LANCL3: variants seen among roughly 807,000 people sequenced by gnomAD.
The protein encoded by LANCL3 is lanC-like protein 3.
In LANCL3, 19 loss-of-function variants were observed where a neutral mutation model predicts 26.5. The observed-to-expected ratio is 0.72, with a 90% CI of 0.50 to 1.05. The LOEUF (loss-of-function observed/expected upper bound fraction) is 1.05. Among genes scored for constraint, LANCL3 ranks in the 50% least tolerant of loss-of-function variants. The pLI is 0.00. For synonymous variants in LANCL3, 160 were observed against 166.6 expected (o/e 0.96, Z 0.30); for missense variants, 318 against 362.7 (o/e 0.88, Z 1.00).
At chrX:37,628,108 A>T (rs1556423377) in intron 1 of LANCL3, among the ~76,000 whole-genome samples, 1 of 111,849 alleles carries the variant, frequency 8.9e-6, no homozygotes, top group Non-Finnish European at 1.9e-5. Flanking sequence ...TAAATTAGTC[A>T]TAACTTTTTC....
chrX:37,572,686 CG>C (rs1455828897), intron 1 of LANCL3, among the ~76,000 whole-genome samples: 4 of 111,680 alleles, frequency 3.6e-5, no homozygotes, highest in African/African-American at 1.3e-4. Context: ...CGTGTTTTTA[CG>C]TGGCATCACT....
chrX:37,637,783 G>A (rs1248236235), intron 1 of LANCL3, among the ~76,000 whole-genome samples: 1 of 110,609 alleles, frequency 9.0e-6, no homozygotes, highest in African/African-American at 3.3e-5. Flanking sequence ...ACCCTTCTGG[G>A]AATGTCTGCC....
chrX:37,668,686 A>G (rs1556434962), intron 4 of LANCL3, among the ~76,000 whole-genome samples: 1 of 111,987 alleles, frequency 8.9e-6, no homozygotes, highest in Non-Finnish European at 1.9e-5. Context: ...TCTGGTTCCC[A>G]TGAATCTGAG....
At position 37,635,067 on chromosome X, in the gene LANCL3, A is replaced by T. The variant is rs147522408; in HGVS notation, c.574-20621A>T. ...GACATAAGACTCAGGGCAGCATGGA[A>T]ACCTTGAAAACTGGAAGTGAAAACT... On this transcript the variant is annotated intron_variant, in intron 1 of 4. Coordinates refer to ENST00000378619, the MANE Select transcript of LANCL3 (RefSeq NM_001170331.2). Among the ~76,000 whole-genome samples, 405 of 111,526 alleles carry T rather than the reference A, an allele frequency of 3.6e-3. 1 individual carries two copies. Among genetic ancestry groups the T allele is most frequent in the African/African-American group, 0.012 (359 of 30,721 alleles).
At chrX:37,581,896 A>G (rs1556417088) in intron 1 of LANCL3, among the ~76,000 whole-genome samples, 1 of 110,853 alleles carries the variant, frequency 9.0e-6, no homozygotes, top group Admixed American at 9.6e-5. Flanking sequence ...CTCGTCATTT[A>G]TATTAGGTAT....
intron 1 of LANCL3, among the ~76,000 whole-genome samples, chrX:37,628,598 TC>T (rs1363175745): frequency 4.9e-5 from 2 of 40,693 alleles, no homozygotes; most frequent in Non-Finnish European, 8.4e-5. Flanking sequence ...CCCTCCCCCC[TC>T]CCCCCACCCC....
intron 1 of LANCL3, among the ~76,000 whole-genome samples, chrX:37,604,552 G>A (rs1269440512): frequency 8.9e-6 from 1 of 112,017 alleles, no homozygotes; most frequent in Non-Finnish European, 1.9e-5. Flanking sequence ...GCTTATTTGG[G>A]TTGGGTTTGC....
At chrX:37,597,481 C>T (rs1924463006) in intron 1 of LANCL3, among the ~76,000 whole-genome samples, 2 of 110,472 alleles carry the variant, frequency 1.8e-5, no homozygotes, top group African/African-American at 6.6e-5. Context: ...CAGCAAGGCA[C>T]GAAGGGTTCA....
intron 2 of LANCL3, among the ~76,000 whole-genome samples, chrX:37,656,362 C>A (rs1161293576): frequency 2.7e-5 from 3 of 111,359 alleles, no homozygotes; most frequent in Non-Finnish European, 5.7e-5. Flanking sequence ...TTTCTCTAGA[C>A]TCAAACTTTA....
At chrX:37,586,094 T>A (rs1264011179) in intron 1 of LANCL3, among the ~76,000 whole-genome samples, 6 of 111,788 alleles carry the variant, frequency 5.4e-5, no homozygotes, top group Non-Finnish European at 1.1e-4. Flanking sequence ...CGGTTGAAAA[T>A]TCTTTTCTTT....
At chrX:37,643,789 G>C (rs1006016778) in intron 1 of LANCL3, among the ~76,000 whole-genome samples, 1 of 111,719 alleles carries the variant, frequency 9.0e-6, no homozygotes, top group Admixed American at 9.5e-5. Flanking sequence ...GAAGTATGCT[G>C]AGCTCAAACC....
At chrX:37,606,279 C>T (rs1006446621) in intron 1 of LANCL3, among the ~76,000 whole-genome samples, 5 of 111,656 alleles carry the variant, frequency 4.5e-5, no homozygotes, top group South Asian at 7.6e-4. Context: ...CTGCCCAAAA[C>T]ATATCAAAAT....
At chrX:37,629,681 C>G (rs1292866327) in intron 1 of LANCL3, among the ~76,000 whole-genome samples, 1 of 110,220 alleles carries the variant, frequency 9.1e-6, no homozygotes, top group Non-Finnish European at 1.9e-5. Flanking sequence ...AGCCAGTTTT[C>G]ACAGCACCAT....
intron 1 of LANCL3, among the ~76,000 whole-genome samples, chrX:37,633,245 C>T (rs201595985): frequency 1.2e-4 from 13 of 110,536 alleles, no homozygotes; most frequent in African/African-American, 4.3e-4. Context: ...TCCAGTTGAT[C>T]GCATCGGTTC....
chrX:37,572,659 C>T (rs1354707319), intron 1 of LANCL3, among the ~76,000 whole-genome samples: 7 of 112,368 alleles, frequency 6.2e-5, no homozygotes, highest in Non-Finnish European at 1.3e-4. Flanking sequence ...TGAGATTCGG[C>T]GTCTCTGCGC....
intron 3 of LANCL3, among the ~76,000 whole-genome samples, chrX:37,665,486 A>T (rs1214494056): frequency 8.9e-6 from 1 of 112,272 alleles, no homozygotes; most frequent in Non-Finnish European, 1.9e-5. Context: ...CTCCGTAGGG[A>T]ACTTCCACCT....
chrX:37,594,678 T>C (rs1490236851), intron 1 of LANCL3, among the ~76,000 whole-genome samples: 1 of 112,172 alleles, frequency 8.9e-6, no homozygotes, highest in Non-Finnish European at 1.9e-5. Context: ...CCAATAAATG[T>C]TGACTGAATG....
intron 3 of LANCL3, among the ~76,000 whole-genome samples, chrX:37,666,126 A>G (rs1304627997): frequency 9.0e-6 from 1 of 111,719 alleles, no homozygotes; most frequent in Non-Finnish European, 1.9e-5. Flanking sequence ...TGAAATCATG[A>G]CTCTCATACA....
intron 4 of LANCL3, among the ~76,000 whole-genome samples, chrX:37,672,826 G>C (rs2146795300): frequency 8.9e-6 from 1 of 111,837 alleles, no homozygotes; most frequent in African/African-American, 3.2e-5. Flanking sequence ...ATAGCTGCCT[G>C]GTTCTGTTTT....
Sources: allele counts gnomAD v4.1 joint callset (sites outside exome capture counted in the v4.1 genomes callset), GRCh38; gene constraint gnomAD v4.1.1; transcripts MANE v1.5; gene names NCBI Gene and HGNC (gene_info 2026-07-23, HGNC 2026-07-21).